Variants in RADIL observed in about 807,000 individuals in gnomAD.
RADIL encodes the protein Rap associating with DIL domain.
In RADIL, 99 loss-of-function variants were observed where a neutral mutation model predicts 97.6. The ratio of observed to expected loss-of-function variants is 1.01; its 90% CI spans 0.86 to 1.20. RADIL has a LOEUF of 1.20. Among genes scored for constraint, RADIL ranks in the 50% most tolerant of loss-of-function variants. The pLI, the probability that RADIL is intolerant of heterozygous loss-of-function variation, is 0.00. For synonymous variants in RADIL, 803 were observed against 691.8 expected, an observed-to-expected ratio of 1.16 and a Z score of -2.52; for missense variants, 1,765 against 1,498.9, an observed-to-expected ratio of 1.18 and a Z score of -2.93.
intron 5 of RADIL, among the ~76,000 whole-genome samples, chr7:4,825,332 A>AC (rs1294323511): frequency 1.3e-5 from 2 of 152,290 alleles, no homozygotes; most frequent in East Asian, 3.9e-4. Flanking sequence ...ACTCCTGGGA[A>AC]CCAAGGCGAT....
chr7:4,830,447 T>C (rs1783107633), intron 5 of RADIL, among the ~76,000 whole-genome samples: 1 of 152,140 alleles, frequency 6.6e-6, no homozygotes, highest in African/African-American at 2.4e-5. Flanking sequence ...CAAACAGCCG[T>C]TGGAGAGTGG....
chr7:4,828,726 T>C (rs1212437498), intron 5 of RADIL, among the ~76,000 whole-genome samples: 5 of 152,192 alleles, frequency 3.3e-5, no homozygotes, highest in African/African-American at 4.8e-5. Context: ...AAGTGATTCA[T>C]TATTTTACAA....
rs1246653827 is a variant in RADIL at position 4,854,499 on chromosome 7, G to A, written c.536-17894C>T. 6.6e-6 allele frequency among the ~76,000 whole-genome samples: 1 copy of A among 152,214 alleles called. No homozygotes were observed. Among genetic ancestry groups the A allele is most frequent in the South Asian group, 2.1e-4 (1 of 4,834 alleles). On this transcript the variant is annotated intron_variant, in intron 2 of 14. Coordinates refer to ENST00000399583, the MANE Select transcript of RADIL (RefSeq NM_018059.5). The surrounding 1 kb of genome is among the most constrained non-coding windows in gnomAD (Gnocchi z 5.1). ...ACCTGAGGTCAGGAGTTCAAGACCA[G>A]CCTGGCCAATATGGTGAAATCCTGT...
intron 12 of RADIL, 108 bp downstream of exon 12, chr7:4,801,545 G>T: frequency 8.0e-7 from 1 of 1,243,656 alleles, no homozygotes; most frequent in South Asian, 1.4e-5. Flanking sequence ...CTGTGGGGCA[G>T]GTAAGGAAAC....
At chr7:4,803,851 G>T in intron 10 of RADIL, 97 bp from the exon 11 acceptor site, 2 of 1,144,270 alleles carry the variant, frequency 1.7e-6, no homozygotes, top group Non-Finnish European at 2.6e-6. Context: ...GGGGCCAGCA[G>T]ATTGAGCCCT....
intron 5 of RADIL, among the ~76,000 whole-genome samples, chr7:4,823,837 G>A (rs1782902043): frequency 6.6e-6 from 1 of 152,238 alleles, no homozygotes; most frequent in African/African-American, 2.4e-5. Flanking sequence ...GTGCTGAGGT[G>A]CCCGGGTAAT....
chr7:4,874,914 C>T (rs992391813), intron 2 of RADIL, among the ~76,000 whole-genome samples: 8 of 152,040 alleles, frequency 5.3e-5, no homozygotes, highest in East Asian at 1.9e-4. Context: ...AAAAATTGGC[C>T]GGGCGCGGTG....
At chr7:4,831,228 C>T (rs971628609) in intron 5 of RADIL, among the ~76,000 whole-genome samples, 3 of 151,250 alleles carry the variant, frequency 2.0e-5, no homozygotes, top group Non-Finnish European at 4.4e-5. Context: ...GAGATCATGT[C>T]CTTTGCAGGG....
Position 4,822,449 on chromosome 7 carries a change from G to T in RADIL, c.1560C>A (p.Ile520=), listed in dbSNP as rs370334624. 6.2e-7 allele frequency: 1 copy of T among 1,613,068 alleles called. No homozygotes were observed. Among genetic ancestry groups the T allele is most frequent in the Non-Finnish European group, 8.5e-7 (1 of 1,179,980 alleles). ...GCATGTAGAGTGGGCATTTCTGCTG[G>T]ATAAAGTACAGGAGCTCGATGGAGT... ...MSNSIELLYF[I]QQKCPLYMQS... is the part of the protein sequence containing the mutation. The change falls in exon 6 of 15, where the codon ATC becomes ATA. Residue 520 remains isoleucine (I), a synonymous_variant. Transcript: ENST00000399583. This position sits in a 1 kb window ranked among gnomAD's most constrained non-coding sequence, Gnocchi z 5.3.
chr7:4,841,671 T>C (rs954627200), intron 2 of RADIL, among the ~76,000 whole-genome samples: 1 of 152,190 alleles, frequency 6.6e-6, no homozygotes, highest in Non-Finnish European at 1.5e-5. Flanking sequence ...TGGGCAGCCC[T>C]GCTTCACCCC....
chr7:4,805,639 C>G lies in RADIL; in HGVS notation c.2217G>C (p.Gln739His), dbSNP rs1453149487. The change falls in exon 10 of 15, where the codon CAG becomes CAC. Residue 739 changes from glutamine (Q) to histidine (H), a missense_variant. Coordinates refer to ENST00000399583, the MANE Select transcript of RADIL (RefSeq NM_018059.5). ...TCATGGGGCCCATGGCCGAGGCCAG[C>G]TGGTAGTGAGTCAGCAGCCGGTGCA... ...AQLHRLLTHY[Q>H]LASAMGPMST... The G allele has an allele frequency of 1.9e-6, 3 of 1,611,722 alleles. No homozygotes were observed. The highest frequency in any genetic ancestry group is 2.5e-6 in the Non-Finnish European group (3 of 1,179,890).
In RADIL at chr7:4,857,075, G is replaced by A. The variant is rs576687959; in HGVS notation, c.536-20470C>T. Among the ~76,000 whole-genome samples, 6 of 152,282 alleles carry A rather than the reference G, an allele frequency of 3.9e-5. No individual in the cohort carries two copies. In the East Asian group the frequency reaches 1.2e-3, roughly 29 times the overall value. On this transcript the variant is annotated intron_variant, in intron 2 of 14. Transcript: ENST00000399583. The stretch of plus-strand genomic sequence containing the variant: ...GCTTGATATCAATTAATGAAAGGCT[G>A]TTTTGAAATCTTCTATGATAATGAC...
chr7:4,814,573 G>T lies in RADIL; in HGVS notation c.2139+705C>A, dbSNP rs551918868. Among the ~76,000 whole-genome samples, 1 of 152,062 alleles carries T rather than the reference G, an allele frequency of 6.6e-6. No homozygotes were observed. Among genetic ancestry groups the T allele is most frequent in the South Asian group, 2.1e-4 (1 of 4,814 alleles). Reference sequence around the variant, plus strand: ...AGTGGCTGACTGTGTTGGGAGGGGGGTGGTGAGCAGCGAGGGAAGCAGGGA... The same window carrying T: ...AGTGGCTGACTGTGTTGGGAGGGGGTTGGTGAGCAGCGAGGGAAGCAGGGA... On this transcript the variant is annotated intron_variant, in intron 9 of 14. Coordinates refer to ENST00000399583, the MANE Select transcript of RADIL (RefSeq NM_018059.5). This position sits in a 1 kb window ranked among gnomAD's most constrained non-coding sequence, Gnocchi z 4.5.
rs73307306 is a variant in RADIL, at chr7:4,797,346, C to T, written c.*2032G>A. ...AAATAGAAACCAAAGGCCCTTCAGT[C>T]TGGCTTGGAAGGTCCCAGAATATCA... On this transcript the variant is annotated 3_prime_UTR_variant, in exon 15 of 15. Coordinates refer to ENST00000399583, the MANE Select transcript of RADIL (RefSeq NM_018059.5). The T allele has an allele frequency of 1.3e-5, 2 of 152,222 alleles. No homozygotes were observed. The highest frequency in any genetic ancestry group is 4.8e-5 in the African/African-American group (2 of 41,434). The allele number at this position is 152,222 out of a possible 1,614,324, so 9.4% of individuals were successfully genotyped here. A position where few individuals can be genotyped will look rare whatever the true frequency, so the allele number is the denominator to read the frequency against.
intron 12 of RADIL, 102 bp downstream of exon 12, chr7:4,801,551 G>T: frequency 7.6e-7 from 1 of 1,307,466 alleles, no homozygotes; most frequent in Non-Finnish European, 1.0e-6. Flanking sequence ...GGCAGGTAAG[G>T]AAACCTAGGA....
rs916470315 is a variant in RADIL, at chr7:4,835,782, G to A, written c.784-543C>T. ...AGGAGGGCGGGGGTAGGGTGAGCAG[G>A]GGGCGGGGAAAACAGTTGTCTGGCA... On this transcript the variant is annotated intron_variant, in intron 3 of 14. Transcript: ENST00000399583. The surrounding 1 kb of genome is among the most constrained non-coding windows in gnomAD (Gnocchi z 5.8). Among the ~76,000 whole-genome samples the A allele has an allele frequency of 2.0e-5, 3 of 152,216 alleles. No individual in the cohort carries two copies. The highest frequency in any genetic ancestry group is 7.2e-5 in the African/African-American group (3 of 41,466).
chr7:4,810,597 C>T (rs549442478), intron 9 of RADIL, among the ~76,000 whole-genome samples: 6 of 152,298 alleles, frequency 3.9e-5, no homozygotes, highest in South Asian at 2.1e-4. Context: ...TTACGAGTGG[C>T]GCCACTGGAA....
At chr7:4,833,394 C>T (rs1204521189) in intron 4 of RADIL, among the ~76,000 whole-genome samples, 1 of 152,186 alleles carries the variant, frequency 6.6e-6, no homozygotes, top group African/African-American at 2.4e-5. Flanking sequence ...TGGACACACA[C>T]TACAGGGACA....
At position 4,821,962 on chromosome 7, in the gene RADIL, G is replaced by T. The variant is rs980848226; in HGVS notation, c.1615+432C>A. Among the ~76,000 whole-genome samples the T allele has an allele frequency of 1.3e-5, 2 of 151,958 alleles. No homozygotes were observed. The highest frequency in any genetic ancestry group is 4.8e-5 in the African/African-American group (2 of 41,314). On this transcript the variant is annotated intron_variant, in intron 6 of 14. Transcript: ENST00000399583. This position sits in a 1 kb window ranked among gnomAD's most constrained non-coding sequence, Gnocchi z 5.2. Reference sequence around the variant, plus strand: ...ATGACTGGCAACATCTGTCCTTCTGGAATAACGGTGTGTCTCAGAACGGGC... The same window carrying T: ...ATGACTGGCAACATCTGTCCTTCTGTAATAACGGTGTGTCTCAGAACGGGC...
Sources: gnomAD v4.1 joint callset for allele counts (sites outside exome capture counted in the v4.1 genomes callset) on GRCh38, gnomAD v4.1.1 for gene constraint, Gnocchi (gnomAD v3.1) non-coding constraint, MANE v1.5 for transcripts, NCBI Gene and HGNC (gene_info 2026-07-23, HGNC 2026-07-21) for gene names.